GULP1: variants seen among roughly 807,000 people sequenced by gnomAD.
The protein encoded by GULP1 is PTB domain-containing engulfment adapter protein 1.
In GULP1, 19 loss-of-function variants were observed where a neutral mutation model predicts 40.9. The observed-to-expected ratio is 0.46, with a 90% CI of 0.32 to 0.68. The LOEUF (loss-of-function observed/expected upper bound fraction) is 0.68, where lower values mean the gene tolerates loss of function less well. GULP1 is among the 30% of genes least tolerant of loss of function. GULP1 has a pLI of 0.03. For missense variants in GULP1, 312 were observed against 362.2 expected, an observed-to-expected ratio of 0.86 and a Z score of 1.12; for synonymous variants, 119 against 117.6, an observed-to-expected ratio of 1.01 and a Z score of -0.08.
At chr2:188,409,811 C>A (rs543099292) in intron 2 of GULP1, among the ~76,000 whole-genome samples, 2 of 152,058 alleles carry the variant, frequency 1.3e-5, no homozygotes, top group East Asian at 1.9e-4. Context: ...TCAACATATA[C>A]GCATGTAATA....
chr2:188,357,560 A>C (rs987187134), intron 1 of GULP1, among the ~76,000 whole-genome samples: 23 of 152,274 alleles, frequency 1.5e-4, no homozygotes, highest in African/African-American at 3.4e-4. Flanking sequence ...AATACTAGTG[A>C]GGATGTGAAG....
rs527924966 is a variant in GULP1, at chr2:188,530,754, G to T, written c.261+1559G>T. Among the ~76,000 whole-genome samples the T allele has an allele frequency of 1.9e-4, 29 of 152,226 alleles. No individual in the cohort carries two copies. In the South Asian group the frequency reaches 5.8e-3, roughly 30 times the overall value. On this transcript the variant is annotated intron_variant, in intron 6 of 11. Transcript: ENST00000409830. ...TGTTGGATAAGCCACCCAGTCAGTG[G>T]TATTTTGTTATGGCAGGCTTAGTAA...
At chr2:188,453,262 T>C (rs577325090) in intron 2 of GULP1, among the ~76,000 whole-genome samples, 1 of 152,188 alleles carries the variant, frequency 6.6e-6, no homozygotes, top group Non-Finnish European at 1.5e-5. Context: ...CAAAACACCA[T>C]TAAAATGGAG....
intron 7 of GULP1, among the ~76,000 whole-genome samples, chr2:188,549,105 C>T (rs928029755): frequency 6.6e-6 from 1 of 151,822 alleles, no homozygotes; most frequent in African/African-American, 2.4e-5. Context: ...AAATGATATA[C>T]TGAACTTTTG....
chr2:188,436,018 A>T (rs1437026983), intron 2 of GULP1, among the ~76,000 whole-genome samples: 1 of 152,118 alleles, frequency 6.6e-6, no homozygotes, highest in African/African-American at 2.4e-5. Context: ...GACCTTAATT[A>T]TATCTACAAA....
At chr2:188,426,990 G>A (rs2056280664) in intron 2 of GULP1, among the ~76,000 whole-genome samples, 1 of 152,146 alleles carries the variant, frequency 6.6e-6, no homozygotes, top group African/African-American at 2.4e-5. Context: ...AATTTATTGG[G>A]AACTGGAGCA....
rs192912860 is a variant in GULP1 at position 188,361,791 on chromosome 2, A to G, written c.-171-21972A>G. Among the ~76,000 whole-genome samples the G allele has an allele frequency of 3.9e-5, 6 of 152,220 alleles. No individual in the cohort carries two copies. The East Asian group carries it at 9.6e-4, about 24-fold the overall frequency. On this transcript the variant is annotated intron_variant, in intron 1 of 11. Coordinates refer to ENST00000409830, the MANE Select transcript of GULP1 (RefSeq NM_016315.4). ...CATGCCTATGATGTATATGGTGACA[A>G]CTATCCTGTTCTAATGGAGAGGAAG...
intron 1 of GULP1, among the ~76,000 whole-genome samples, chr2:188,349,664 C>T (rs1456325571): frequency 2.0e-5 from 3 of 152,098 alleles, no homozygotes; most frequent in Non-Finnish European, 4.4e-5. Flanking sequence ...GGATTGTCTT[C>T]ACTTTCTTGA....
At chr2:188,356,508 CAAA>C (rs1395906206) in intron 1 of GULP1, among the ~76,000 whole-genome samples, 1 of 151,862 alleles carries the variant, frequency 6.6e-6, no homozygotes, top group Non-Finnish European at 1.5e-5. Context: ...AGAAAAACTA[CAAA>C]ACATTGATGA....
At chr2:188,423,782 A>G (rs2055781257) in intron 2 of GULP1, among the ~76,000 whole-genome samples, 1 of 151,866 alleles carries the variant, frequency 6.6e-6, no homozygotes, top group Non-Finnish European at 1.5e-5. Context: ...ATAGAATTGA[A>G]TTGAAAATAG....
At chr2:188,470,069 C>T (rs2060460774) in intron 2 of GULP1, among the ~76,000 whole-genome samples, 1 of 151,890 alleles carries the variant, frequency 6.6e-6, no homozygotes, top group Admixed American at 6.6e-5. Flanking sequence ...TAATACTGGC[C>T]TCATAGAATG....
At chr2:188,299,598 A>G (rs897683247) in intron 1 of GULP1, among the ~76,000 whole-genome samples, 1 of 152,222 alleles carries the variant, frequency 6.6e-6, no homozygotes, top group Non-Finnish European at 1.5e-5. Flanking sequence ...GTTGAATTTA[A>G]TAAATACTTA....
chr2:188,377,825 T>C (rs1467090986), intron 1 of GULP1, among the ~76,000 whole-genome samples: 6 of 152,184 alleles, frequency 3.9e-5, no homozygotes, highest in African/African-American at 1.4e-4. Context: ...TGTAATTCAA[T>C]TTTCCTATTG....
intron 1 of GULP1, among the ~76,000 whole-genome samples, chr2:188,304,659 C>T (rs1251665143): frequency 6.6e-6 from 1 of 152,132 alleles, no homozygotes; most frequent in African/African-American, 2.4e-5. Context: ...TTCCTAGATT[C>T]CTGGCAGATG....
intron 2 of GULP1, among the ~76,000 whole-genome samples, chr2:188,468,872 A>G (rs2060350643): frequency 6.6e-6 from 1 of 152,176 alleles, no homozygotes; most frequent in African/African-American, 2.4e-5. Flanking sequence ...CAACTATAAG[A>G]TCAGCAAGTG....
chr2:188,556,692 T>TA (rs1694844456), intron 7 of GULP1, among the ~76,000 whole-genome samples: 1 of 152,196 alleles, frequency 6.6e-6, no homozygotes, highest in South Asian at 2.1e-4. Flanking sequence ...CTTCCTGTTT[T>TA]TGAATTTACT....
intron 6 of GULP1, among the ~76,000 whole-genome samples, chr2:188,537,700 G>A (rs549668891): frequency 1.8e-4 from 28 of 151,994 alleles, no homozygotes; most frequent in South Asian, 6.2e-4. Flanking sequence ...TGGTTTTGTC[G>A]AATGAGTTAG....
At chr2:188,489,956 T>C (rs994444617) in intron 4 of GULP1, among the ~76,000 whole-genome samples, 38 of 152,130 alleles carry the variant, frequency 2.5e-4, no homozygotes, top group African/African-American at 7.7e-4. Flanking sequence ...AGATAAACTT[T>C]CAGTTAATTC....
intron 4 of GULP1, among the ~76,000 whole-genome samples, chr2:188,513,193 T>G (rs2064780789): frequency 6.6e-6 from 1 of 152,148 alleles, no homozygotes; most frequent in African/African-American, 2.4e-5. Context: ...ATTTACTAGT[T>G]TGTAAAATCT....
Sources: gnomAD v4.1 joint callset for allele counts (sites outside exome capture counted in the v4.1 genomes callset) on GRCh38, gnomAD v4.1.1 for gene constraint, MANE v1.5 for transcripts, NCBI Gene and HGNC (gene_info 2026-07-23, HGNC 2026-07-21) for gene names.